Variants in KIF13A observed in about 807,000 individuals in gnomAD.
KIF13A encodes the protein kinesin family member 13A.
Under a neutral mutation model 212.2 loss-of-function variants are expected in KIF13A, and 79 were observed. That is an observed-to-expected ratio of 0.37 (90% CI 0.31 to 0.45). The LOEUF is 0.45. KIF13A is among the 20% of genes least tolerant of loss of function. KIF13A has a pLI of 1.00. For synonymous variants in KIF13A, 789 were observed against 808.6 expected (o/e 0.98, Z 0.41); for missense variants, 1,901 against 2,209.0 (o/e 0.86, Z 2.79).
intron 2 of KIF13A, among the ~76,000 whole-genome samples, chr6:17,973,861 G>A (rs1271615613): frequency 6.6e-6 from 1 of 152,100 alleles, no homozygotes; most frequent in African/African-American, 2.4e-5. Context: ...TTACAGGACT[G>A]GAAACAGGGA....
At chr6:17,910,524 TA>T (rs1451838896) in intron 2 of KIF13A, among the ~76,000 whole-genome samples, 6 of 152,256 alleles carry the variant, frequency 3.9e-5, no homozygotes, top group Non-Finnish European at 5.9e-5. Context: ...TATAGTTTAA[TA>T]GTTTGACTAC....
Position 17,945,548 on chromosome 6 carries a change from A to G in KIF13A, c.146+41506T>C, listed in dbSNP as rs184792361. On this transcript the variant is annotated intron_variant, in intron 2 of 38. Transcript: ENST00000259711. ...AAAAAAAAATTTTAAGTACCCAGATACAAATCTAACAAAAAAGATGCAAAA... is the reference window on the plus strand; with the variant it reads ...AAAAAAAAATTTTAAGTACCCAGATGCAAATCTAACAAAAAAGATGCAAAA... Among the ~76,000 whole-genome samples the G allele has an allele frequency of 2.0e-5, 3 of 152,380 alleles. No homozygotes were observed. In the East Asian group the frequency reaches 5.8e-4, roughly 29 times the overall value.
At position 17,975,306 on chromosome 6, in the gene KIF13A, CTG is replaced by C. The variant is rs1491321136; in HGVS notation, c.146+11746_146+11747del. Among the ~76,000 whole-genome samples, 122 of 152,120 alleles carry C rather than the reference CTG, an allele frequency of 8.0e-4. No homozygotes were observed. The Middle Eastern group carries it at 0.01, about 13-fold the overall frequency. On this transcript the variant is annotated intron_variant, in intron 2 of 38. Transcript: ENST00000259711. The stretch of plus-strand genomic sequence containing the variant: ...AGGTGAAGGTTGCAATGAGCTGAGA[CTG>C]TGTTCCGAATTAGTAGGTTCTTGGT...
rs1554188631 is a variant in KIF13A, at chr6:17,874,999, G to GTACACACACACACA, written c.160-1563_160-1562insTGTGTGTGTGTGTA. ...CCACCACACACACACACACGCACAC[G>GTACACACACACACA]CACGCACACACACACACACACACAC... On this transcript the variant is annotated intron_variant, in intron 3 of 38. Coordinates refer to ENST00000259711, the MANE Select transcript of KIF13A (RefSeq NM_022113.6). Among the ~76,000 whole-genome samples, 221 of 120,328 alleles carry GTACACACACACACA rather than the reference G, an allele frequency of 1.8e-3. 1 individual carries two copies. The highest frequency in any genetic ancestry group is 6.5e-3 in the African/African-American group (213 of 32,748). 78.9% of individuals were successfully genotyped at this position (120,328 alleles called of 152,430 possible).
At chr6:17,917,173 G>A (rs768908990) in intron 2 of KIF13A, among the ~76,000 whole-genome samples, 9 of 151,642 alleles carry the variant, frequency 5.9e-5, no homozygotes, top group East Asian at 1.9e-4. Context: ...TCTACTCTAC[G>A]GGAAGGAGGA....
chr6:17,790,667 A>G (rs1238874862), intron 25 of KIF13A, among the ~76,000 whole-genome samples: 1 of 152,182 alleles, frequency 6.6e-6, no homozygotes, highest in African/African-American at 2.4e-5. Context: ...CCACACAGAT[A>G]ATGGCAGGTC....
At position 17,987,283 on chromosome 6, in the gene KIF13A, G is replaced by A; in HGVS notation, c.55+126C>T. The A allele has an allele frequency of 1.2e-6, 1 of 851,954 alleles. No individual in the cohort carries two copies. Among genetic ancestry groups the A allele is most frequent in the East Asian group, 5.1e-5 (1 of 19,616 alleles). The allele number at this position is 851,954 out of a possible 1,614,324, so 52.8% of individuals were successfully genotyped here. ...CGGCGCCCCGGGCACCACGGCCAGC[G>A]CGGACGCCGCCTCCGCCCCGGCCCC... On this transcript the variant is annotated intron_variant, in intron 1 of 38. Coordinates refer to ENST00000259711, the MANE Select transcript of KIF13A (RefSeq NM_022113.6). The surrounding 1 kb of genome is among the most constrained non-coding windows in gnomAD (Gnocchi z 7.7).
intron 3 of KIF13A, among the ~76,000 whole-genome samples, chr6:17,880,445 G>A (rs2150449100): frequency 6.6e-6 from 1 of 151,906 alleles, no homozygotes; most frequent in African/African-American, 2.4e-5. Context: ...TGACCAACAT[G>A]GTGAAACCCC....
chr6:17,910,984 C>T (rs967094029), intron 2 of KIF13A, among the ~76,000 whole-genome samples: 6 of 152,006 alleles, frequency 3.9e-5, no homozygotes, highest in Non-Finnish European at 4.4e-5. Context: ...AGGATGGTCT[C>T]GATCTCCCGA....
intron 25 of KIF13A, among the ~76,000 whole-genome samples, chr6:17,792,682 A>G (rs536988574): frequency 6.6e-6 from 1 of 152,070 alleles, no homozygotes; most frequent in African/African-American, 2.4e-5. Context: ...TTGCACCTAC[A>G]CTCATACTCT....
chr6:17,775,041 G>C lies in KIF13A; in HGVS notation c.4192C>G (p.Leu1398Val), dbSNP rs1162974804. 6.2e-7 allele frequency: 1 copy of C among 1,611,984 alleles called. No individual in the cohort carries two copies. Among genetic ancestry groups the C allele is most frequent in the East Asian group, 2.2e-5 (1 of 44,832 alleles). Residue 1398 changes from leucine (L) to valine (V), a missense_variant, in exon 35 of 39, where the codon CTT (leucine) becomes GTT (valine). This residue lies in a region of KIF13A where 687 missense variants were observed against 759.1 expected (regional missense o/e 0.90). Transcript: ENST00000259711. ...VHNVSSSRPDLSGFDEDDKGW... is the reference protein window; with the variant it reads ...VHNVSSSRPDVSGFDEDDKGW... Reference sequence around the variant, plus strand: ...TTGTCATCTTCATCAAAGCCAGAAAGGTCCGGTCGGCTGGAAGAGACCTAT... The same window carrying C: ...TTGTCATCTTCATCAAAGCCAGAAACGTCCGGTCGGCTGGAAGAGACCTAT...
Position 17,780,925 on chromosome 6 carries a change from T to G in KIF13A, c.3670-19A>C. 6.2e-7 allele frequency: 1 copy of G among 1,606,970 alleles called. No homozygotes were observed. Among genetic ancestry groups the G allele is most frequent in the Non-Finnish European group, 8.5e-7 (1 of 1,174,910 alleles). On this transcript the variant is annotated intron_variant, in intron 30 of 38. Transcript: ENST00000259711. The stretch of plus-strand genomic sequence containing the variant: ...CTGAAACCTAGGAGTTGGGGAATGA[T>G]GAGGAGATGGAAACAAGACAAAAGT...
intron 4 of KIF13A, among the ~76,000 whole-genome samples, chr6:17,860,493 AT>A (rs974431461): frequency 2.0e-5 from 3 of 151,370 alleles, no homozygotes; most frequent in African/African-American, 7.3e-5. Flanking sequence ...GGCTGGCACA[AT>A]TTTTTTTTCA....
chr6:17,852,080 C>G lies in KIF13A; in HGVS notation c.495-38G>C, dbSNP rs755029078. On this transcript the variant is annotated intron_variant, in intron 6 of 38. Coordinates refer to ENST00000259711, the MANE Select transcript of KIF13A (RefSeq NM_022113.6). ...GGAAAAAGGAATAAATGAATCACAC[C>G]AAAGCTGGAAGCTTTTCTTTCTCTT... 5.8e-5 allele frequency: 65 copies of G among 1,121,846 alleles called. No individual in the cohort carries two copies. The South Asian group carries it at 1.3e-3, about 22-fold the overall frequency. The allele number at this position is 1,121,846 out of a possible 1,614,324, so 69.5% of individuals were successfully genotyped here. A position where few individuals can be genotyped will look rare whatever the true frequency, so the allele number is the denominator to read the frequency against.
At chr6:17,940,817 ATTTTT>A (rs11325656) in intron 2 of KIF13A, among the ~76,000 whole-genome samples, 9 of 140,510 alleles carry the variant, frequency 6.4e-5, no homozygotes, top group African/African-American at 2.1e-4. Context: ...ATGTAAATTT[ATTTTT>A]TTTTTTTTTT....
chr6:17,914,279 G>A lies in KIF13A; in HGVS notation c.147-16099C>T, dbSNP rs1774311840. Among the ~76,000 whole-genome samples, 1 of 152,104 alleles carries A rather than the reference G, an allele frequency of 6.6e-6. No individual in the cohort carries two copies. Among genetic ancestry groups the A allele is most frequent in the African/African-American group, 2.4e-5 (1 of 41,422 alleles). On this transcript the variant is annotated intron_variant, in intron 2 of 38. Transcript: ENST00000259711. This position sits in a 1 kb window ranked among gnomAD's most constrained non-coding sequence, Gnocchi z 5.9. ...GTGACCCTTGTTTTTCACTAAAAAA[G>A]TGATGCTCTCTCTTCTGAAAGTCTT...
At chr6:17,950,812 T>G in intron 2 of KIF13A, 1 of 978,846 alleles carries the variant, frequency 1.0e-6, no homozygotes, top group Non-Finnish European at 1.2e-6. Flanking sequence ...TAAATCTTTC[T>G]TAATTTTGCA....
At chr6:17,924,873 T>G (rs575214377) in intron 2 of KIF13A, among the ~76,000 whole-genome samples, 1 of 152,322 alleles carries the variant, frequency 6.6e-6, no homozygotes, top group Admixed American at 6.5e-5. Flanking sequence ...AATGAAAACT[T>G]AGCTGATTCA....
chr6:17,957,851 G>A (rs1778478270), intron 2 of KIF13A, among the ~76,000 whole-genome samples: 1 of 152,202 alleles, frequency 6.6e-6, no homozygotes, highest in South Asian at 2.1e-4. Flanking sequence ...AAGACATGAT[G>A]TGTCTCATGG....
Sources: allele counts gnomAD v4.1 joint callset (sites outside exome capture counted in the v4.1 genomes callset), GRCh38; gene constraint gnomAD v4.1.1; regional missense constraint gnomAD v4.1.1; non-coding constraint Gnocchi (gnomAD v3.1); transcripts MANE v1.5; gene names NCBI Gene and HGNC (gene_info 2026-07-23, HGNC 2026-07-21).